The following VOPP1 variants were observed in gnomAD, a reference collection of about 807,000 sequenced individuals.
VOPP1 encodes VOPP1 WW domain binding protein, also known as WW domain binding protein VOPP1.
In VOPP1, 8 loss-of-function variants were observed where a neutral mutation model predicts 23.5. The observed-to-expected ratio is 0.34, with a 90% confidence interval of 0.20 to 0.61. The LOEUF (loss-of-function observed/expected upper bound fraction) is 0.61. VOPP1 is among the 20% of genes least tolerant of loss of function. VOPP1 has a pLI of 0.78. For missense variants in VOPP1, 174 were observed against 238.1 expected, an observed-to-expected ratio of 0.73 and a Z score of 1.77; for synonymous variants, 83 against 97.3, an observed-to-expected ratio of 0.85 and a Z score of 0.86.
chr7:55,484,417 G>A (rs1459543484), intron 4 of VOPP1, among the ~76,000 whole-genome samples: 4 of 152,052 alleles, frequency 2.6e-5, no homozygotes, highest in Non-Finnish European at 5.9e-5. Context: ...ATCTCATCAC[G>A]CACTTCTCCA....
chr7:55,445,405 A>G (rs1186174912), intron 4 of VOPP1, among the ~76,000 whole-genome samples: 1 of 152,218 alleles, frequency 6.6e-6, no homozygotes, highest in Non-Finnish European at 1.5e-5. Context: ...CATAATCATA[A>G]TACCAGTATT....
chr7:55,532,701 C>T lies in VOPP1; in HGVS notation c.55-11571G>A, dbSNP rs960811076. ...AAAGCAATCTGAGGGAGGCTCCTCC[C>T]CTTTCCATGGAAGTTTTCATGGCTT... On this transcript the variant is annotated intron_variant, in intron 1 of 4. Transcript: ENST00000285279. Among the ~76,000 whole-genome samples the T allele has an allele frequency of 2.0e-5, 3 of 152,216 alleles. No individual in the cohort carries two copies. In the East Asian group the frequency reaches 5.8e-4, roughly 29 times the overall value.
At chr7:55,571,334 A>G (rs1260294130) in intron 1 of VOPP1, among the ~76,000 whole-genome samples, 1 of 152,236 alleles carries the variant, frequency 6.6e-6, no homozygotes, top group Non-Finnish European at 1.5e-5. Flanking sequence ...TTCCAGCACC[A>G]ATCACTAACT....
At chr7:55,486,572 C>T (rs1793162311) in intron 4 of VOPP1, among the ~76,000 whole-genome samples, 1 of 152,118 alleles carries the variant, frequency 6.6e-6, no homozygotes, top group Non-Finnish European at 1.5e-5. Context: ...TGAGGAGGCC[C>T]GCCATATTGG....
chr7:55,561,566 G>T (rs1797986574), intron 1 of VOPP1, among the ~76,000 whole-genome samples: 1 of 151,892 alleles, frequency 6.6e-6, no homozygotes, highest in African/African-American at 2.4e-5. Context: ...AAAATTAAGT[G>T]GGCGTGCTGG....
intron 4 of VOPP1, among the ~76,000 whole-genome samples, chr7:55,446,656 T>A (rs1305691276): frequency 1.3e-5 from 2 of 152,218 alleles, no homozygotes; most frequent in Non-Finnish European, 2.9e-5. Context: ...AACAAACATC[T>A]TCTTATCCCT....
chr7:55,445,777 A>G (rs1458906551), intron 4 of VOPP1, among the ~76,000 whole-genome samples: 1 of 152,210 alleles, frequency 6.6e-6, no homozygotes, highest in African/African-American at 2.4e-5. Context: ...TATGGTAGCC[A>G]CTAGCCACAT....
At chr7:55,445,165 C>T (rs1409629014) in intron 4 of VOPP1, among the ~76,000 whole-genome samples, 1 of 151,974 alleles carries the variant, frequency 6.6e-6, no homozygotes, top group Non-Finnish European at 1.5e-5. Flanking sequence ...TGCTTTAGCA[C>T]GTGTGCTCTT....
chr7:55,500,352 T>C (rs999749326), intron 2 of VOPP1, among the ~76,000 whole-genome samples: 11 of 152,368 alleles, frequency 7.2e-5, no homozygotes, highest in Middle Eastern at 3.4e-3. Flanking sequence ...GAGAGGGCCA[T>C]GTAGCCAGGA....
chr7:55,465,698 T>G (rs140470236), downstream of VOPP1, among the ~76,000 whole-genome samples: 1,831 of 152,358 alleles, frequency 0.012, 13 homozygotes, highest in Admixed American at 0.021. Context: ...CTCCATTTTA[T>G]AGTTGAGGAA....
intron 2 of VOPP1, among the ~76,000 whole-genome samples, chr7:55,517,063 C>T (rs1451256389): frequency 6.8e-6 from 1 of 147,722 alleles, no homozygotes; most frequent in Non-Finnish European, 1.5e-5. Context: ...CCTCAGCCTC[C>T]CAAGTAGCTG....
chr7:55,520,465 A>G (rs1246356684), intron 2 of VOPP1, among the ~76,000 whole-genome samples: 2 of 152,156 alleles, frequency 1.3e-5, no homozygotes, highest in East Asian at 1.9e-4. Context: ...ACCACAGCAG[A>G]TATTACAAAC....
intron 2 of VOPP1, among the ~76,000 whole-genome samples, chr7:55,513,082 A>G (rs1795186972): frequency 6.6e-6 from 1 of 152,158 alleles, no homozygotes; most frequent in African/African-American, 2.4e-5. Context: ...TTTAAAAAGA[A>G]GCTTCACGCT....
intron 1 of VOPP1, among the ~76,000 whole-genome samples, chr7:55,526,439 G>A (rs138698864): frequency 0.014 from 2,172 of 152,258 alleles, 16 homozygotes; most frequent in Non-Finnish European, 0.02. Context: ...CTCCATGTGC[G>A]CTGAGTGAGG....
In VOPP1 at chr7:55,444,948, T is replaced by C. The variant is rs373589360; in HGVS notation, n.418-8774A>G. Among the ~76,000 whole-genome samples, 21 of 152,346 alleles carry C rather than the reference T, an allele frequency of 1.4e-4. No individual in the cohort carries two copies. The East Asian group carries it at 3.5e-3, about 25-fold the overall frequency. ...CAAACCAGCCTGACTGCTTTATGTT[T>C]AATAGCCCTCTCTTTGGCTTCTTTC... is the stretch of plus-strand genomic sequence containing the variant. On this transcript the variant is annotated intron_variant and non_coding_transcript_variant, in intron 4 of 4. Coordinates refer to the VOPP1 transcript ENST00000462326.
At chr7:55,492,161 A>T in intron 4 of VOPP1, 121 bp downstream of exon 4, 1 of 1,372,002 alleles carries the variant, frequency 7.3e-7, no homozygotes, top group Non-Finnish European at 9.6e-7. Flanking sequence ...AGAACTAAAA[A>T]AATGAATAAC....
At chr7:55,565,247 C>T (rs182615842) in intron 1 of VOPP1, among the ~76,000 whole-genome samples, 2 of 152,190 alleles carry the variant, frequency 1.3e-5, no homozygotes, top group South Asian at 2.1e-4. Context: ...ATCACCTTCG[C>T]GTTTAGACAC....
At chr7:55,465,993 C>T (rs1440590815), downstream of VOPP1, among the ~76,000 whole-genome samples, 1 of 152,138 alleles carries the variant, frequency 6.6e-6, no homozygotes, top group Non-Finnish European at 1.5e-5. Flanking sequence ...AAGGTGGGCC[C>T]TTTGGGAAAT....
chr7:55,489,998 G>T (rs1296174537), intron 4 of VOPP1, among the ~76,000 whole-genome samples: 1 of 151,990 alleles, frequency 6.6e-6, no homozygotes, highest in Non-Finnish European at 1.5e-5. Flanking sequence ...GCGTGTGCAG[G>T]CCTCAGTGCG....
Sources: gnomAD v4.1 joint callset for allele counts (sites outside exome capture counted in the v4.1 genomes callset) on GRCh38, gnomAD v4.1.1 for gene constraint, MANE v1.5 for transcripts, NCBI Gene and HGNC (gene_info 2026-07-23, HGNC 2026-07-21) for gene names.